FKBP5: variants seen among roughly 807,000 people sequenced by gnomAD.
The protein encoded by FKBP5 is peptidyl-prolyl cis-trans isomerase FKBP5.
In FKBP5, 23 loss-of-function variants were observed where a neutral mutation model predicts 50.5. The observed-to-expected ratio is 0.46, with a 90% confidence interval of 0.33 to 0.65. FKBP5 has a LOEUF of 0.65. Ranked by LOEUF, FKBP5 falls within the 30% of genes least tolerant of loss-of-function variation. FKBP5 has a pLI of 0.02. For missense variants in FKBP5, 411 were observed against 553.1 expected (o/e 0.74, Z 2.58); for synonymous variants, 176 against 190.6 (o/e 0.92, Z 0.63).
chr6:35,583,329 C>G, intron 8 of FKBP5: 3 of 985,290 alleles, frequency 3.0e-6, no homozygotes, highest in Non-Finnish European at 3.6e-6. Context: ...GGACAAAAAC[C>G]TAGATCTTAA....
intron 8 of FKBP5, 117 bp from the exon 9 acceptor site, chr6:35,580,338 T>C (rs770130328): frequency 9.5e-5 from 78 of 822,804 alleles, no homozygotes; most frequent in South Asian, 6.8e-5. Flanking sequence ...GTTTCTTTCT[T>C]TCCTTCTGGA....
At chr6:35,606,576 C>T (rs752569644) in intron 5 of FKBP5, among the ~76,000 whole-genome samples, 2 of 131,338 alleles carry the variant, frequency 1.5e-5, no homozygotes, top group Admixed American at 9.2e-5. Flanking sequence ...AGGAGAATGG[C>T]GTGAACCTGG....
chr6:35,586,116 T>A, intron 8 of FKBP5: 1 of 984,852 alleles, frequency 1.0e-6, no homozygotes, highest in Non-Finnish European at 1.2e-6. Flanking sequence ...TCCCTCTAAT[T>A]CTCATCACTA....
intron 3 of FKBP5, among the ~76,000 whole-genome samples, chr6:35,634,218 G>A (rs1474817876): frequency 6.6e-6 from 1 of 152,054 alleles, no homozygotes; most frequent in Non-Finnish European, 1.5e-5. Context: ...GATTTAGCAG[G>A]TGGCAGGAAC....
intron 2 of FKBP5, among the ~76,000 whole-genome samples, chr6:35,642,409 G>A (rs567914456): frequency 2.0e-5 from 3 of 152,212 alleles, no homozygotes; most frequent in African/African-American, 7.2e-5. Flanking sequence ...ACTTGCCTGA[G>A]CAACATAATG....
At chr6:35,629,839 T>C (rs1302517689) in intron 3 of FKBP5, among the ~76,000 whole-genome samples, 1 of 152,228 alleles carries the variant, frequency 6.6e-6, no homozygotes, top group Non-Finnish European at 1.5e-5. Flanking sequence ...CCAAAGTAAG[T>C]ACTTTCTTAA....
In FKBP5 at chr6:35,581,285, A is replaced by T. The variant is rs569024949; in HGVS notation, c.841-1064T>A. 790 of 388,472 alleles carry T rather than the reference A, an allele frequency of 2.0e-3. 2 individuals carry two copies. Among genetic ancestry groups the T allele is most frequent in the African/African-American group, 7.0e-3 (314 of 44,956 alleles). 24.1% of individuals were successfully genotyped at this position (388,472 alleles called of 1,614,324 possible). A position where few individuals can be genotyped will look rare whatever the true frequency, so the allele number is the denominator to read the frequency against. Reference sequence around the variant, plus strand: ...ATATAAACATATATAATATATATATAATATATATATATATACATGCTCATA... The same window carrying T: ...ATATAAACATATATAATATATATATTATATATATATATATACATGCTCATA... On this transcript the variant is annotated intron_variant, in intron 8 of 10. Coordinates refer to ENST00000357266, the MANE Select transcript of FKBP5 (RefSeq NM_004117.4).
At chr6:35,608,405 T>C (rs1174099924) in intron 5 of FKBP5, among the ~76,000 whole-genome samples, 5 of 152,146 alleles carry the variant, frequency 3.3e-5, no homozygotes, top group South Asian at 4.2e-4. Flanking sequence ...AACAAGAAAT[T>C]AAGGCAGCTG....
chr6:35,717,654 C>A (rs1357982700), intron 2 of FKBP5, among the ~76,000 whole-genome samples: 1 of 152,164 alleles, frequency 6.6e-6, no homozygotes, highest in East Asian at 1.9e-4. Context: ...AGGAGTGGGT[C>A]TGGACATGGC....
chr6:35,612,048 T>C (rs944637068), intron 5 of FKBP5, among the ~76,000 whole-genome samples: 2 of 152,138 alleles, frequency 1.3e-5, no homozygotes, highest in Non-Finnish European at 2.9e-5. Context: ...ATAACCATGG[T>C]AGGTAGAGCC....
At chr6:35,667,019 CTGTGTGTGTGTGTGTGTGTG>C (rs35407744) in intron 1 of FKBP5, among the ~76,000 whole-genome samples, 3 of 148,902 alleles carry the variant, frequency 2.0e-5, no homozygotes, top group Non-Finnish European at 3.0e-5. Context: ...GTGTGTGTGT[CTGTGTGTGTGTGTGTGTGTG>C]TGTGTGTGTG....
At chr6:35,683,511 G>GAGTGTAGTGGTGCAAT (rs1765739940) in intron 1 of FKBP5, among the ~76,000 whole-genome samples, 1 of 151,740 alleles carries the variant, frequency 6.6e-6, no homozygotes, top group Non-Finnish European at 1.5e-5. Flanking sequence ...TGTTGCCCAG[G>GAGTGTAGTGGTGCAAT]CTGGAGTGTA....
intron 1 of FKBP5, among the ~76,000 whole-genome samples, chr6:35,666,762 G>A (rs1765241802): frequency 6.6e-6 from 1 of 151,966 alleles, no homozygotes; most frequent in Non-Finnish European, 1.5e-5. Context: ...GGTGGCAGGC[G>A]CCTATAATCC....
chr6:35,576,330 G>A (rs912686211), intron 10 of FKBP5, among the ~76,000 whole-genome samples: 22 of 152,000 alleles, frequency 1.4e-4, no homozygotes, highest in African/African-American at 4.8e-4. Context: ...TGGGAAAATC[G>A]TAAGTCTTAC....
At chr6:35,723,765 T>C (rs1160194552) in intron 1 of FKBP5, among the ~76,000 whole-genome samples, 1 of 152,166 alleles carries the variant, frequency 6.6e-6, no homozygotes, top group Non-Finnish European at 1.5e-5. Context: ...CTTCATCCCC[T>C]GGGGGTAGGC....
At chr6:35,584,758 G>A in intron 8 of FKBP5, 3 of 985,228 alleles carry the variant, frequency 3.0e-6, no homozygotes, top group Non-Finnish European at 3.6e-6. Context: ...TTCCCCAATG[G>A]ACTAATGTTT....
chr6:35,662,229 A>G (rs1765086335), intron 1 of FKBP5, among the ~76,000 whole-genome samples: 1 of 151,152 alleles, frequency 6.6e-6, no homozygotes, highest in Non-Finnish European at 1.5e-5. Context: ...GAAGATTTTC[A>G]GAAGTGGTAT....
At chr6:35,713,823 C>A (rs1054719431) in intron 2 of FKBP5, among the ~76,000 whole-genome samples, 3 of 152,196 alleles carry the variant, frequency 2.0e-5, no homozygotes, top group Non-Finnish European at 1.5e-5. Flanking sequence ...TGCCTTCTTG[C>A]CCCACCTGTC....
chr6:35,717,305 G>A (rs1373636555), intron 2 of FKBP5, among the ~76,000 whole-genome samples: 1 of 152,210 alleles, frequency 6.6e-6, no homozygotes, highest in Admixed American at 6.5e-5. Flanking sequence ...AGGGTGGAGA[G>A]GAGCCTCCTA....
Sources: allele counts gnomAD v4.1 joint callset (sites outside exome capture counted in the v4.1 genomes callset), GRCh38; gene constraint gnomAD v4.1.1; transcripts MANE v1.5; gene names NCBI Gene and HGNC (gene_info 2026-07-23, HGNC 2026-07-21).